The following FANCB variants were observed in gnomAD, a reference collection of about 807,000 sequenced individuals.
FANCB encodes Fanconi anemia group B protein.
In FANCB, 5 loss-of-function variants were observed where a neutral mutation model predicts 38.9. That is an observed-to-expected ratio of 0.13 (90% CI 0.07 to 0.27). FANCB has a LOEUF of 0.27. Ranked by LOEUF, FANCB falls within the 10% of genes least tolerant of loss-of-function variation. FANCB has a pLI of 1.00. For synonymous variants in FANCB, 236 were observed against 215.4 expected, an observed-to-expected ratio of 1.10 and a Z score of -0.84; for missense variants, 573 against 602.7, an observed-to-expected ratio of 0.95 and a Z score of 0.52.
In FANCB at chrX:14,865,005, G is replaced by A; in HGVS notation, c.506C>T (p.Ser169Phe). ...KVVSVSGNFS[S>F]IQWAGEIENL... ...TTCAATCTCCCCTGCCCACTGAATA[G>A]AGGAAAAGTTACCTGACACACTAAC... is the stretch of plus-strand genomic sequence containing the variant. Residue 169 changes from serine to phenylalanine, a missense_variant, in exon 3 of 10, where the codon TCT (serine) becomes TTT (phenylalanine). Coordinates refer to ENST00000650831, the MANE Select transcript of FANCB (RefSeq NM_001018113.3). 1.7e-6 allele frequency: 2 copies of A among 1,210,815 alleles called. No individual in the cohort carries two copies. The highest frequency in any genetic ancestry group is 1.8e-5 in the South Asian group (1 of 56,938).
chrX:14,789,344 G>A, the FANCB span, among the ~76,000 whole-genome samples: 7 of 111,350 alleles, frequency 6.3e-5, no homozygotes, highest in South Asian at 3.8e-4. Flanking sequence ...AGGCCAGTAC[G>A]GTGGCTCACA....
At chrX:14,822,321 T>C in the FANCB span, among the ~76,000 whole-genome samples, 375 of 109,906 alleles carry the variant, frequency 3.4e-3, 1 homozygote, top group African/African-American at 0.01. Context: ...ACTGATGCCA[T>C]GGGGGAAAAT....
intron 10 of FANCB, among the ~76,000 whole-genome samples, chrX:14,837,339 T>C (rs2092343931): frequency 1.8e-5 from 2 of 112,360 alleles, no homozygotes; most frequent in Non-Finnish European, 3.8e-5. Context: ...TAGACATGTT[T>C]CAAAGAGAAA....
chrX:14,778,370 A>G, the FANCB span, among the ~76,000 whole-genome samples: 5 of 112,234 alleles, frequency 4.5e-5, no homozygotes, highest in Non-Finnish European at 7.5e-5. Flanking sequence ...CAGGACAGCC[A>G]TTCATGATAA....
At chrX:14,837,137 G>T (rs1442007524) in intron 10 of FANCB, among the ~76,000 whole-genome samples, 2 of 112,374 alleles carry the variant, frequency 1.8e-5, no homozygotes, top group Non-Finnish European at 3.8e-5. Context: ...CATTTGGAAT[G>T]ATTAGATCAG....
chrX:14,721,832 C>T, the FANCB span, among the ~76,000 whole-genome samples: 1 of 111,468 alleles, frequency 9.0e-6, no homozygotes, highest in African/African-American at 3.3e-5. Context: ...CAAGCAGCAT[C>T]CTCAGTGCTC....
At chrX:14,849,690 T>C (rs1739520290) in intron 7 of FANCB, among the ~76,000 whole-genome samples, 2 of 112,456 alleles carry the variant, frequency 1.8e-5, no homozygotes, top group Non-Finnish European at 3.8e-5. Flanking sequence ...CAATAGTCTC[T>C]AAGTATCCCT....
At chrX:14,744,406 A>G in the FANCB span, among the ~76,000 whole-genome samples, 1 of 112,519 alleles carries the variant, frequency 8.9e-6, no homozygotes, top group East Asian at 2.8e-4. Context: ...AGCAAACACA[A>G]TATTTTTAAA....
intron 4 of FANCB, among the ~76,000 whole-genome samples, chrX:14,858,575 G>C (rs2092433282): frequency 9.0e-6 from 1 of 111,194 alleles, no homozygotes; most frequent in African/African-American, 3.3e-5. Flanking sequence ...ATTTATTTAA[G>C]AGACAGTGTC....
the FANCB span, among the ~76,000 whole-genome samples, chrX:14,722,358 T>C: frequency 9.0e-6 from 1 of 111,181 alleles, no homozygotes; most frequent in African/African-American, 3.3e-5. Flanking sequence ...CTTCATAGCA[T>C]GGTGGTCTCA....
At chrX:14,798,400 G>A in the FANCB span, among the ~76,000 whole-genome samples, 1 of 111,293 alleles carries the variant, frequency 9.0e-6, no homozygotes, top group Non-Finnish European at 1.9e-5. Context: ...CTGACATCGT[G>A]ATCCACCCGC....
downstream of FANCB, among the ~76,000 whole-genome samples, chrX:14,842,776 T>C (rs749581484): frequency 8.9e-6 from 1 of 112,318 alleles, no homozygotes; most frequent in South Asian, 3.6e-4. Context: ...GTTTTCATTT[T>C]TTTTCTTTAA....
chrX:14,805,851 G>A, the FANCB span, among the ~76,000 whole-genome samples: 1 of 111,735 alleles, frequency 8.9e-6, no homozygotes, highest in Non-Finnish European at 1.9e-5. Flanking sequence ...ATTCACTGCA[G>A]CTCAACAACA....
chrX:14,690,216 G>A, the FANCB span, among the ~76,000 whole-genome samples: 1 of 111,606 alleles, frequency 9.0e-6, no homozygotes, highest in African/African-American at 3.3e-5. Flanking sequence ...ATAGAAGTGA[G>A]CAGTTTGAAT....
At chrX:14,797,152 T>C in the FANCB span, among the ~76,000 whole-genome samples, 6 of 111,578 alleles carry the variant, frequency 5.4e-5, no homozygotes, top group Non-Finnish European at 7.5e-5. Flanking sequence ...CCTAGTCAAG[T>C]TGACACATAA....
the FANCB span, among the ~76,000 whole-genome samples, chrX:14,821,987 G>A: frequency 8.9e-6 from 1 of 111,819 alleles, no homozygotes; most frequent in East Asian, 2.8e-4. Flanking sequence ...TTGTCAGAAG[G>A]GAAGAAGAGC....
the FANCB span, among the ~76,000 whole-genome samples, chrX:14,781,604 T>C: frequency 2.2e-4 from 24 of 111,310 alleles, no homozygotes; most frequent in Non-Finnish European, 3.2e-4. Context: ...AACCTCCCTC[T>C]GCTTTGGCAA....
the FANCB span, among the ~76,000 whole-genome samples, chrX:14,797,364 G>T: frequency 2.7e-5 from 3 of 111,875 alleles, no homozygotes; most frequent in African/African-American, 9.8e-5. Flanking sequence ...ATCACACACA[G>T]TCACTACCAT....
the FANCB span, among the ~76,000 whole-genome samples, chrX:14,702,819 G>A: frequency 2.7e-5 from 3 of 111,400 alleles, no homozygotes; most frequent in Non-Finnish European, 3.8e-5. Flanking sequence ...GGTGGCACTT[G>A]GACAGGGTTG....
Sources: gnomAD v4.1 joint callset for allele counts (sites outside exome capture counted in the v4.1 genomes callset) on GRCh38, gnomAD v4.1.1 for gene constraint, MANE v1.5 for transcripts, NCBI Gene and HGNC (gene_info 2026-07-23, HGNC 2026-07-21) for gene names.